Variants in TET2 observed in about 807,000 individuals in gnomAD.
The protein encoded by TET2 is methylcytosine dioxygenase TET2.
In TET2, 299 loss-of-function variants were observed where a neutral mutation model predicts 142.9. The ratio of observed to expected loss-of-function variants is 2.09; its 90% CI spans 1.90 to 2.30. The LOEUF is 2.30. TET2 is among the 30% of genes most tolerant of loss of function. The pLI is 0.00. For synonymous variants in TET2, 819 were observed against 849.0 expected (o/e 0.96, Z 0.61); for missense variants, 2,418 against 2,378.0 (o/e 1.02, Z -0.35).
intron 2 of TET2, among the ~76,000 whole-genome samples, chr4:105,224,282 A>G (rs1728038193): frequency 6.6e-6 from 1 of 152,146 alleles, no homozygotes; most frequent in African/African-American, 2.4e-5. Context: ...CGAAGAGTCA[A>G]ATGGTATGGA....
chr4:105,255,645 C>T (rs1730085872), intron 6 of TET2, among the ~76,000 whole-genome samples: 1 of 151,944 alleles, frequency 6.6e-6, no homozygotes, highest in Non-Finnish European at 1.5e-5. Flanking sequence ...TGCTCTGTTG[C>T]TTATTACATG....
At chr4:105,230,373 A>G (rs890898384) in intron 2 of TET2, among the ~76,000 whole-genome samples, 8 of 152,148 alleles carry the variant, frequency 5.3e-5, no homozygotes, top group African/African-American at 1.9e-4. Flanking sequence ...AGGGTCAAGG[A>G]AAGTGTTTCT....
chr4:105,277,007 C>T lies in TET2; in HGVS notation c.*488C>T. On this transcript the variant is annotated 3_prime_UTR_variant, in exon 11 of 11. Coordinates refer to ENST00000380013, the MANE Select transcript of TET2 (RefSeq NM_001127208.3). ...ATGTACTGAAATACTGGAATTATGGCTTTTTGAAATGCAGTTTTTACTGTA... is the reference window on the plus strand; with the variant it reads ...ATGTACTGAAATACTGGAATTATGGTTTTTTGAAATGCAGTTTTTACTGTA... 1 of 233,260 alleles carries T rather than the reference C, an allele frequency of 4.3e-6. No individual in the cohort carries two copies. The highest frequency in any genetic ancestry group is 8.5e-6 in the Non-Finnish European group (1 of 118,214). 14.4% of individuals were successfully genotyped at this position (233,260 alleles called of 1,614,324 possible). A position where few individuals can be genotyped will look rare whatever the true frequency, so the allele number is the denominator to read the frequency against.
chr4:105,235,808 G>C lies in TET2; in HGVS notation c.1866G>C (p.Gln622His). The change falls in exon 3 of 11, where the codon CAG (glutamine) becomes CAC (histidine). Residue 622 changes from glutamine to histidine, a missense_variant. Transcript: ENST00000380013. ...PGGLPRQAYT[Q>H]KTTQLEHKSQ... Reference sequence around the variant, plus strand: ...GGCTCCCAAGGCAAGCTTACACCCAGAAAACAACACAGCTGGAGCACAAGT... The same window carrying C: ...GGCTCCCAAGGCAAGCTTACACCCACAAAACAACACAGCTGGAGCACAAGT... The C allele has an allele frequency of 6.2e-7, 1 of 1,614,044 alleles. No individual in the cohort carries two copies. Among genetic ancestry groups the C allele is most frequent in the Non-Finnish European group, 8.5e-7 (1 of 1,180,006 alleles).
chr4:105,242,856 A>G lies in TET2; in HGVS notation c.3523A>G (p.Ile1175Val). 3.9e-6 allele frequency: 6 copies of G among 1,551,352 alleles called. No homozygotes were observed. Among genetic ancestry groups the G allele is most frequent in the Non-Finnish European group, 4.4e-6 (5 of 1,146,826 alleles). Residue 1175 changes from isoleucine to valine, a missense_variant, in exon 5 of 11, where the codon ATT (isoleucine) becomes GTT (valine). Coordinates refer to ENST00000380013, the MANE Select transcript of TET2 (RefSeq NM_001127208.3). ...EERFGQKGKA[I>V]RIERVIYTGK... is the part of the protein sequence containing the mutation. ...AAGGTTTGGACAGAAGGGTAAAGCT[A>G]TTAGGATTGAAAGAGTCATCTATAC...
intron 6 of TET2, among the ~76,000 whole-genome samples, chr4:105,249,579 TC>T (rs2110267043): frequency 6.6e-6 from 1 of 152,350 alleles, no homozygotes; most frequent in South Asian, 2.1e-4. Context: ...GTATGAAGGT[TC>T]CAGTGTATCT....
chr4:105,151,679 A>G (rs2110346851), intron 1 of TET2, among the ~76,000 whole-genome samples: 1 of 152,012 alleles, frequency 6.6e-6, no homozygotes, highest in Middle Eastern at 3.4e-3. Context: ...CTATTCAATA[A>G]AAATAAAAAT....
At position 105,275,317 on chromosome 4, in the gene TET2, C is replaced by T; in HGVS notation, c.4807C>T (p.Gln1603Ter). 6.4e-7 allele frequency: 1 copy of T among 1,551,984 alleles called. No individual in the cohort carries two copies. Among genetic ancestry groups the T allele is most frequent in the Non-Finnish European group, 8.7e-7 (1 of 1,147,058 alleles). The stretch of plus-strand genomic sequence containing the variant: ...TATGAACTTCTATTCCACCTCATCT[C>T]AAGCTGCAGGTTCATATTTGAATTC... ...SPMNFYSTSS[Q>*]AAGSYLNSSN... Residue 1603 changes from glutamine (Q) to a stop codon, truncating the protein, a stop_gained, in exon 11 of 11, where the codon CAA becomes TAA. Transcript: ENST00000380013. LOFTEE classifies it low-confidence loss of function (END_TRUNC).
chr4:105,210,275 C>G (rs1396375467), intron 2 of TET2, among the ~76,000 whole-genome samples: 6 of 152,096 alleles, frequency 3.9e-5, no homozygotes, highest in Non-Finnish European at 8.8e-5. Flanking sequence ...TAAAATAGGT[C>G]ATTCAGTAAA....
chr4:105,174,619 T>C (rs184263853), intron 1 of TET2, among the ~76,000 whole-genome samples: 3 of 152,246 alleles, frequency 2.0e-5, no homozygotes, highest in Admixed American at 1.3e-4. Flanking sequence ...TGAACTGTAA[T>C]TGAAAAATTG....
chr4:105,161,690 A>C (rs1210784902), intron 1 of TET2, among the ~76,000 whole-genome samples: 1 of 152,222 alleles, frequency 6.6e-6, no homozygotes, highest in Non-Finnish European at 1.5e-5. Flanking sequence ...ATTTCTACTA[A>C]AAAAGGGATT....
At chr4:105,218,794 A>G (rs1383103181) in intron 2 of TET2, among the ~76,000 whole-genome samples, 1 of 152,018 alleles carries the variant, frequency 6.6e-6, no homozygotes, top group Non-Finnish European at 1.5e-5. Flanking sequence ...ATTTTATGCA[A>G]CTTCTGGATC....
At chr4:105,261,705 A>T (rs1037120347) in intron 7 of TET2, 54 bp from the exon 8 acceptor site, 2 of 1,113,426 alleles carry the variant, frequency 1.8e-6, no homozygotes, top group Non-Finnish European at 2.6e-6. Context: ...AGTCTCTTTT[A>T]CATAGAGAAA....
chr4:105,183,724 A>G (rs1214313236), intron 1 of TET2, among the ~76,000 whole-genome samples: 1 of 152,170 alleles, frequency 6.6e-6, no homozygotes, highest in African/African-American at 2.4e-5. Flanking sequence ...AGATTCAGCT[A>G]AAAACCTAGC....
At chr4:105,154,931 G>A (rs1264659161) in intron 1 of TET2, among the ~76,000 whole-genome samples, 1 of 152,178 alleles carries the variant, frequency 6.6e-6, no homozygotes, top group African/African-American at 2.4e-5. Context: ...GGGCTGAGGC[G>A]GGAGGATGGC....
chr4:105,215,581 T>A (rs555674938), intron 2 of TET2, among the ~76,000 whole-genome samples: 1 of 152,310 alleles, frequency 6.6e-6, no homozygotes, highest in East Asian at 1.9e-4. Context: ...TTTAGAGTTT[T>A]GAAAGTATTT....
upstream of TET2, chr4:105,146,609 C>CAGGCCGGGGCGGAGCGGGAGG (rs1299827329): frequency 5.2e-5 from 8 of 153,268 alleles, no homozygotes; most frequent in African/African-American, 1.2e-4. Context: ...GGCGGCGGCG[C>CAGGCCGGGGCGGAGCGGGAGG]AGGCCGGGGC....
At chr4:105,260,450 C>T (rs1307262848) in intron 7 of TET2, among the ~76,000 whole-genome samples, 1 of 151,704 alleles carries the variant, frequency 6.6e-6, no homozygotes, top group African/African-American at 2.4e-5. Context: ...CCCCAATAAA[C>T]CCATCCTAAA....
intron 2 of TET2, among the ~76,000 whole-genome samples, chr4:105,213,901 C>A (rs1727319675): frequency 6.6e-6 from 1 of 152,106 alleles, no homozygotes. Context: ...CCTCTGTCGC[C>A]CAGGGTGGAG....
Sources: allele counts gnomAD v4.1 joint callset (sites outside exome capture counted in the v4.1 genomes callset), GRCh38; gene constraint gnomAD v4.1.1; transcripts MANE v1.5; gene names NCBI Gene and HGNC (gene_info 2026-07-23, HGNC 2026-07-21).